EPC1: variants seen among roughly 807,000 people sequenced by gnomAD.
EPC1 encodes the protein enhancer of polycomb homolog 1.
In EPC1, 12 loss-of-function variants were observed where a neutral mutation model predicts 98.4. That is an observed-to-expected ratio of 0.12 (90% CI 0.08 to 0.20). The LOEUF (loss-of-function observed/expected upper bound fraction) is 0.20. EPC1 is among the 10% of genes least tolerant of loss of function. The probability of loss-of-function intolerance (pLI) is 1.00; values close to 1 mark genes in which losing one functional copy is unlikely to be tolerated. For missense variants in EPC1, 729 were observed against 990.5 expected, an observed-to-expected ratio of 0.74 and a Z score of 3.54; for synonymous variants, 357 against 363.9, an observed-to-expected ratio of 0.98 and a Z score of 0.21.
chr10:32,309,493 C>CT (rs67775039), intron 1 of EPC1, among the ~76,000 whole-genome samples: 98,065 of 142,300 alleles, frequency 0.69, 33,628 homozygotes, highest in Middle Eastern at 0.78. Flanking sequence ...TATTTTCAAG[C>CT]TTTTTTTTTT....
At chr10:32,359,631 T>A (rs1839380516) in intron 1 of EPC1, among the ~76,000 whole-genome samples, 2 of 152,190 alleles carry the variant, frequency 1.3e-5, no homozygotes, top group Admixed American at 6.5e-5. Flanking sequence ...TGAATGATAG[T>A]TTTACCCTAT....
chr10:32,334,622 G>A (rs2505402), intron 1 of EPC1, among the ~76,000 whole-genome samples: 122,366 of 152,118 alleles, frequency 0.8, 50,165 homozygotes, highest in East Asian at 0.96. Context: ...TTTCTGGAAA[G>A]TCTACTGTAT....
At chr10:32,352,315 G>C (rs1275280071) in intron 1 of EPC1, among the ~76,000 whole-genome samples, 1 of 151,928 alleles carries the variant, frequency 6.6e-6, no homozygotes, top group Non-Finnish European at 1.5e-5. Context: ...CCAAAGTGCT[G>C]GGATTACAGG....
intron 1 of EPC1, among the ~76,000 whole-genome samples, chr10:32,336,076 T>C (rs1007611164): frequency 6.0e-5 from 9 of 150,924 alleles, no homozygotes; most frequent in Admixed American, 1.3e-4. Context: ...TCTTTTTTTT[T>C]TTTTTTTTTG....
chr10:32,363,410 A>G (rs1839500326), intron 1 of EPC1, among the ~76,000 whole-genome samples: 1 of 151,986 alleles, frequency 6.6e-6, no homozygotes, highest in Non-Finnish European at 1.5e-5. Flanking sequence ...AGTAAGGAAT[A>G]ATTTTCACTG....
At chr10:32,310,720 A>G (rs1836160849) in intron 1 of EPC1, among the ~76,000 whole-genome samples, 1 of 152,116 alleles carries the variant, frequency 6.6e-6, no homozygotes, top group Non-Finnish European at 1.5e-5. Context: ...TTAAAAATAC[A>G]AAAATTAGCC....
At chr10:32,297,529 T>C (rs565600957) in intron 2 of EPC1, among the ~76,000 whole-genome samples, 2 of 152,112 alleles carry the variant, frequency 1.3e-5, no homozygotes, top group Non-Finnish European at 2.9e-5. Flanking sequence ...TCAGGTGATC[T>C]GCCCGCCTTG....
intron 2 of EPC1, among the ~76,000 whole-genome samples, chr10:32,295,351 T>C (rs1311389618): frequency 6.6e-6 from 1 of 152,242 alleles, no homozygotes; most frequent in Non-Finnish European, 1.5e-5. Context: ...TGCTTAAAGC[T>C]TAACACAGTG....
chr10:32,353,218 G>A (rs895008657), intron 1 of EPC1, among the ~76,000 whole-genome samples: 3 of 151,424 alleles, frequency 2.0e-5, no homozygotes, highest in African/African-American at 7.3e-5. Context: ...TGCAGTCCCA[G>A]ATTGAAGTGA....
intron 10 of EPC1, among the ~76,000 whole-genome samples, chr10:32,277,066 A>C (rs142252911): frequency 2.6e-5 from 4 of 152,350 alleles, no homozygotes; most frequent in Non-Finnish European, 5.9e-5. Flanking sequence ...TGGAAGGAAA[A>C]GAGAACCCCA....
upstream of EPC1, among the ~76,000 whole-genome samples, chr10:32,350,492 A>G (rs547725339): frequency 6.6e-6 from 1 of 152,358 alleles, no homozygotes; most frequent in African/African-American, 2.4e-5. Context: ...AAGAACATTC[A>G]TGGGGGAACG....
At position 32,286,823 on chromosome 10, in the gene EPC1, C is replaced by A. The variant is rs763818502; in HGVS notation, c.1262G>T (p.Gly421Val). 8 of 1,613,536 alleles carry A rather than the reference C, an allele frequency of 5.0e-6. No individual in the cohort carries two copies. The East Asian group carries it at 1.8e-4, about 36-fold the overall frequency. The change falls in exon 9 of 14, where the codon GGC (glycine) becomes GTC (valine). Residue 421 changes from glycine (G) to valine (V), a missense_variant. Transcript: ENST00000319778. The part of the protein sequence containing the change: ...QYYAPHLDQT[G>V]NWPWTSPKDG... ...TTTAGGACTAGTCCAAGGCCAGTTG[C>A]CAGTTTGGTCTAAGTGAGGCTTAAA...
At chr10:32,304,948 A>G (rs1020260189) in intron 2 of EPC1, among the ~76,000 whole-genome samples, 6 of 151,856 alleles carry the variant, frequency 4.0e-5, no homozygotes, top group African/African-American at 9.7e-5. Flanking sequence ...AAAAAAGAAA[A>G]AAGAAAAACC....
In EPC1 at chr10:32,293,617, C is replaced by T. The variant is rs776608143; in HGVS notation, c.434G>A (p.Arg145His). 1.2e-5 allele frequency: 20 copies of T among 1,613,018 alleles called. No individual in the cohort carries two copies. Among genetic ancestry groups the T allele is most frequent in the South Asian group, 5.5e-5 (5 of 90,946 alleles). The change falls in exon 3 of 14, where the codon CGC becomes CAC. Residue 145 changes from arginine (R) to histidine (H), a missense_variant. By Grantham distance (29) the Arg-to-His change is conservative. This residue lies in a region of EPC1 where 94 missense variants were observed against 125.1 expected (regional missense o/e 0.75). Transcript: ENST00000319778. ...CPLQFEEMID[R>H]LEKGSGQQPV... ...CTGCTGACCACTGCCTTTTTCTAGG[C>T]GGTCAATCATCTCCTCAAATTGCAA...
At chr10:32,279,460 T>C (rs2986928) in intron 10 of EPC1, among the ~76,000 whole-genome samples, 69,429 of 152,036 alleles carry the variant, frequency 0.46, 18,890 homozygotes, top group East Asian at 0.72. Flanking sequence ...AAATCTAGAG[T>C]TCCTTTTCCA....
At chr10:32,338,455 C>A (rs1683961823) in intron 1 of EPC1, among the ~76,000 whole-genome samples, 1 of 152,190 alleles carries the variant, frequency 6.6e-6, no homozygotes, top group African/African-American at 2.4e-5. Context: ...TCATGTCACT[C>A]CCTTAAACTC....
chr10:32,338,867 G>A lies in EPC1; in HGVS notation c.153+7896C>T, dbSNP rs1467850023. Among the ~76,000 whole-genome samples, 3 of 150,124 alleles carry A rather than the reference G, an allele frequency of 2.0e-5. No homozygotes were observed. The East Asian group carries it at 5.9e-4, about 30-fold the overall frequency. On this transcript the variant is annotated intron_variant, in intron 1 of 13. Coordinates refer to ENST00000319778, the MANE Select transcript of EPC1 (RefSeq NM_001272004.3). ...GGTGGGAGGAGCCTGGAGCCCAGGA[G>A]GCTGAGGCTGCAATGAGCCGAGATC... is the stretch of plus-strand genomic sequence containing the variant.
At chr10:32,299,960 A>G (rs987089881) in intron 2 of EPC1, among the ~76,000 whole-genome samples, 1 of 151,814 alleles carries the variant, frequency 6.6e-6, no homozygotes, top group Admixed American at 6.6e-5. Flanking sequence ...GTTGCCCAAG[A>G]TGGAGTGCAG....
At chr10:32,377,924 T>C (rs1324896352) in intron 1 of EPC1, among the ~76,000 whole-genome samples, 2 of 152,162 alleles carry the variant, frequency 1.3e-5, no homozygotes. Flanking sequence ...AAAGAAATAA[T>C]ATCATAGACT....
Sources: gnomAD v4.1 joint callset for allele counts (sites outside exome capture counted in the v4.1 genomes callset) on GRCh38, gnomAD v4.1.1 for gene constraint, gnomAD v4.1.1 regional missense constraint, MANE v1.5 for transcripts, NCBI Gene and HGNC (gene_info 2026-07-23, HGNC 2026-07-21) for gene names.